Variants in ATP13A4 observed in about 807,000 individuals in gnomAD.
ATP13A4 encodes probable cation-transporting ATPase 13A4.
In ATP13A4, 114 loss-of-function variants were observed where a neutral mutation model predicts 142.5. The observed-to-expected ratio is 0.80, with a 90% CI of 0.69 to 0.93. The LOEUF is 0.93. ATP13A4 is among the 40% of genes least tolerant of loss of function. The pLI is 0.00. For synonymous variants in ATP13A4, 488 were observed against 514.8 expected, an observed-to-expected ratio of 0.95 and a Z score of 0.70; for missense variants, 1,392 against 1,454.0, an observed-to-expected ratio of 0.96 and a Z score of 0.69.
At chr3:193,470,493 A>C (rs1718554238) in intron 9 of ATP13A4, among the ~76,000 whole-genome samples, 1 of 152,236 alleles carries the variant, frequency 6.6e-6, no homozygotes, top group Non-Finnish European at 1.5e-5. Flanking sequence ...GTTTATTTAA[A>C]AACATGCTTT....
At chr3:193,555,364 C>G (rs138615539), upstream of ATP13A4, among the ~76,000 whole-genome samples, 9 of 152,338 alleles carry the variant, frequency 5.9e-5, no homozygotes, top group Admixed American at 2.0e-4. Flanking sequence ...ACAAAAGGTA[C>G]AGATTATCAC....
chr3:193,554,740 C>T lies in ATP13A4; in HGVS notation c.60G>A (p.Met20Ile), dbSNP rs1723807173. The change falls in exon 1 of 30, where the codon ATG becomes ATA. Residue 20 changes from methionine to isoleucine, a missense_variant and splice_region_variant. Physicochemically the swap from Met to Ile is conservative, Grantham distance 10. Transcript: ENST00000342695. ...GAAGGGAATGTGGCTAGAATCTTAC[C>T]ATCTCATTCTCTTCTCCTTCATTGA... ...ALLNEGEENE[M>I]EIFGYRTQGC... 6.2e-7 allele frequency: 1 copy of T among 1,612,794 alleles called. No individual in the cohort carries two copies. The highest frequency in any genetic ancestry group is 8.5e-7 in the Non-Finnish European group (1 of 1,179,732).
intron 25 of ATP13A4, among the ~76,000 whole-genome samples, chr3:193,422,913 C>A (rs1427452631): frequency 2.0e-5 from 3 of 148,764 alleles, no homozygotes; most frequent in Non-Finnish European, 4.5e-5. Context: ...AAAAGCAATA[C>A]AAAAGATAAG....
upstream of ATP13A4, among the ~76,000 whole-genome samples, chr3:193,558,790 A>C (rs897774235): frequency 6.6e-6 from 1 of 152,214 alleles, no homozygotes; most frequent in Non-Finnish European, 1.5e-5. Flanking sequence ...AATTGAGAGG[A>C]ATGTCCAAAA....
Position 193,457,160 on chromosome 3 carries a change from G to C in ATP13A4, c.1762-7C>G. On this transcript the variant is annotated splice_region_variant and splice_polypyrimidine_tract_variant and intron_variant, in intron 15 of 29. Coordinates refer to ENST00000342695, the MANE Select transcript of ATP13A4 (RefSeq NM_032279.4). ...CAATTCCTTCCACTGGGACCTGGTT[G>C]AGGGATGGGGAAAGGAGAGGAACAT... 1 of 1,612,818 alleles carries C rather than the reference G, an allele frequency of 6.2e-7. No homozygotes were observed. Among genetic ancestry groups the C allele is most frequent in the Non-Finnish European group, 8.5e-7 (1 of 1,180,010 alleles).
chr3:193,469,967 T>A (rs918306997), intron 9 of ATP13A4, among the ~76,000 whole-genome samples: 1 of 152,158 alleles, frequency 6.6e-6, no homozygotes, highest in African/African-American at 2.4e-5. Context: ...TTTGCCATGG[T>A]CTGCGACACA....
chr3:193,512,873 T>TG, intron 2 of ATP13A4, among the ~76,000 whole-genome samples: 2 of 152,266 alleles, frequency 1.3e-5, no homozygotes, highest in East Asian at 1.9e-4. Flanking sequence ...AAGTCTTATG[T>TG]GGGGTGCCGG....
intron 1 of ATP13A4, among the ~76,000 whole-genome samples, chr3:193,550,305 G>GTTTTT: frequency 7.6e-6 from 1 of 131,988 alleles, no homozygotes; most frequent in African/African-American, 2.8e-5. Context: ...TGAATTTTAG[G>GTTTTT]TTTTTTTTTT....
upstream of ATP13A4, chr3:193,555,210 G>A (rs1265678730): frequency 2.3e-5 from 7 of 309,640 alleles, no homozygotes; most frequent in African/African-American, 8.6e-5. Context: ...AGTGAGGAGC[G>A]GGTGCAAGAA....
chr3:193,493,163 G>A lies in ATP13A4; in HGVS notation c.382-3C>T. ...TTCTGCACTTTGATGCATCTCACCT[G>A]CAAAAGAAAAGTACTAAGAAAACCT... On this transcript the variant is annotated splice_polypyrimidine_tract_variant and splice_region_variant and intron_variant, in intron 3 of 29. Coordinates refer to ENST00000342695, the MANE Select transcript of ATP13A4 (RefSeq NM_032279.4). 6.2e-7 allele frequency: 1 copy of A among 1,611,530 alleles called. No individual in the cohort carries two copies.
At chr3:193,535,859 A>AC (rs1159956607) in intron 1 of ATP13A4, among the ~76,000 whole-genome samples, 2 of 152,134 alleles carry the variant, frequency 1.3e-5, no homozygotes, top group Non-Finnish European at 2.9e-5. Flanking sequence ...GAACAACTCT[A>AC]CACATATAAA....
Position 193,459,135 on chromosome 3 carries a change from A to T in ATP13A4, c.1620T>A (p.Asp540Glu), listed in dbSNP as rs557795168. 2 of 1,614,114 alleles carry T rather than the reference A, an allele frequency of 1.2e-6. No individual in the cohort carries two copies. Among genetic ancestry groups the T allele is most frequent in the South Asian group, 2.2e-5 (2 of 91,094 alleles). Reference sequence around the variant, plus strand: ...CCAGAGGGTCTCCCTGGATGGTCCCATCAAGAAGGATCAGAGAGTGGCAGC... The same window carrying T: ...CCAGAGGGTCTCCCTGGATGGTCCCTTCAAGAAGGATCAGAGAGTGGCAGC... Reference protein sequence around the residue: ...MASCHSLILLDGTIQGDPLDL... With the variant: ...MASCHSLILLEGTIQGDPLDL... Residue 540 changes from aspartate to glutamate, a missense_variant, in exon 14 of 30, where the codon GAT (aspartate) becomes GAA (glutamate). Physicochemically the swap from Asp to Glu is conservative, Grantham distance 45. Coordinates refer to ENST00000342695, the MANE Select transcript of ATP13A4 (RefSeq NM_032279.4).
chr3:193,569,715 GTGTGC>G (rs1188682951), intron 2 of ATP13A4, among the ~76,000 whole-genome samples: 1 of 151,866 alleles, frequency 6.6e-6, no homozygotes, highest in African/African-American at 2.4e-5. Flanking sequence ...AATTTTGTGT[GTGTGC>G]TGACAGGGTC....
chr3:193,564,300 T>A (rs1452685927), intron 2 of ATP13A4, among the ~76,000 whole-genome samples: 2 of 152,244 alleles, frequency 1.3e-5, no homozygotes, highest in African/African-American at 4.8e-5. Context: ...ATATTCATGA[T>A]CTGGGCAAAA....
chr3:193,427,790 C>T (rs1347781766), intron 25 of ATP13A4, among the ~76,000 whole-genome samples: 4 of 152,094 alleles, frequency 2.6e-5, no homozygotes, highest in African/African-American at 9.7e-5. Flanking sequence ...AAAATTAATT[C>T]AAGATGGATT....
At chr3:193,403,267 C>T (rs1054399457) in intron 29 of ATP13A4, among the ~76,000 whole-genome samples, 1 of 151,848 alleles carries the variant, frequency 6.6e-6, no homozygotes, top group Non-Finnish European at 1.5e-5. Flanking sequence ...CACAATTGAC[C>T]CTATATAAAG....
chr3:193,487,614 C>T (rs1340428457), intron 7 of ATP13A4, among the ~76,000 whole-genome samples: 2 of 152,026 alleles, frequency 1.3e-5, no homozygotes, highest in Non-Finnish European at 2.9e-5. Flanking sequence ...CACACCTGGC[C>T]AGTATTACTT....
In ATP13A4 at chr3:193,484,023, A is replaced by G; in HGVS notation, c.739-18T>C. The G allele has an allele frequency of 6.3e-7, 1 of 1,584,420 alleles. No homozygotes were observed. The highest frequency in any genetic ancestry group is 8.7e-7 in the Non-Finnish European group (1 of 1,153,302). ...ACAGATTGCTGAAAAAGAAGGAAAA[A>G]TGGAAAAGTCTTATCTATTTGAGCA... On this transcript the variant is annotated intron_variant, in intron 7 of 29. Transcript: ENST00000342695.
At chr3:193,481,287 C>T (rs1719277477) in intron 8 of ATP13A4, among the ~76,000 whole-genome samples, 1 of 152,090 alleles carries the variant, frequency 6.6e-6, no homozygotes, top group South Asian at 2.1e-4. Flanking sequence ...TTATATTCCC[C>T]TTAAAAATAT....
Sources: allele counts gnomAD v4.1 joint callset (sites outside exome capture counted in the v4.1 genomes callset), GRCh38; gene constraint gnomAD v4.1.1; transcripts MANE v1.5; gene names NCBI Gene and HGNC (gene_info 2026-07-23, HGNC 2026-07-21).